Variants in PPARA observed in about 807,000 individuals in gnomAD.
PPARA encodes peroxisome proliferator activated receptor alpha.
PPARA carries 22 observed loss-of-function variants against 42.2 expected under a neutral mutation model. That is an observed-to-expected ratio of 0.52 (90% CI 0.37 to 0.74). PPARA has a LOEUF of 0.74. Among genes scored for constraint, PPARA ranks in the 30% least tolerant of loss-of-function variants. The probability of loss-of-function intolerance (pLI) is 0.00; values close to 1 mark genes in which losing one functional copy is unlikely to be tolerated. For missense variants in PPARA, 465 were observed against 608.2 expected, an observed-to-expected ratio of 0.76 and a Z score of 2.48; for synonymous variants, 242 against 239.3, an observed-to-expected ratio of 1.01 and a Z score of -0.10.
At chr22:46,228,413 G>A (rs1935622040) in intron 7 of PPARA, among the ~76,000 whole-genome samples, 1 of 152,180 alleles carries the variant, frequency 6.6e-6, no homozygotes, top group Admixed American at 6.5e-5. Flanking sequence ...GTGGGTGCCT[G>A]TAATCCCAGC....
Position 46,240,731 on chromosome 22 carries a change from A to T in PPARA, c.*5351A>T, listed in dbSNP as rs1936350006. 1 of 153,050 alleles carries T rather than the reference A, an allele frequency of 6.5e-6. No homozygotes were observed. The highest frequency in any genetic ancestry group is 2.1e-4 in the South Asian group (1 of 4,844). 9.5% of individuals were successfully genotyped at this position (153,050 alleles called of 1,614,324 possible). ...GCATTGGCATTGCCAAGCATGGGGA[A>T]GTATCTGCTCTTCTCATGTTAAAAG... On this transcript the variant is annotated 3_prime_UTR_variant, in exon 9 of 9. Coordinates refer to ENST00000407236, the MANE Select transcript of PPARA (RefSeq NM_005036.6). The surrounding 1 kb of genome is among the most constrained non-coding windows in gnomAD (Gnocchi z 6.0).
intron 4 of PPARA, among the ~76,000 whole-genome samples, chr22:46,208,703 C>T (rs930013468): frequency 6.6e-6 from 1 of 152,052 alleles, no homozygotes; most frequent in Non-Finnish European, 1.5e-5. Flanking sequence ...TCCCCATTCC[C>T]TCCCTCAACC....
At chr22:46,152,878 A>G (rs948431485) in intron 2 of PPARA, among the ~76,000 whole-genome samples, 1 of 152,188 alleles carries the variant, frequency 6.6e-6, no homozygotes, top group Non-Finnish European at 1.5e-5. Flanking sequence ...TGAGGCCAGG[A>G]GTTCGAGACC....
rs547897274 is a variant in PPARA at position 46,239,333 on chromosome 22, C to T, written c.*3953C>T. On this transcript the variant is annotated 3_prime_UTR_variant, in exon 9 of 9. Coordinates refer to ENST00000407236, the MANE Select transcript of PPARA (RefSeq NM_005036.6). ...TGAGAAGTCAACAACTTAGCCACCA[C>T]TTCCCCGCAATGGACCATGTAACAA... 9 of 152,020 alleles carry T rather than the reference C, an allele frequency of 5.9e-5. No individual in the cohort carries two copies. The highest frequency in any genetic ancestry group is 1.2e-4 in the Non-Finnish European group (8 of 68,078). The allele number at this position is 152,020 out of a possible 1,614,324, so 9.4% of individuals were successfully genotyped here.
At chr22:46,194,498 C>T (rs143342204) in intron 3 of PPARA, among the ~76,000 whole-genome samples, 1 of 151,550 alleles carries the variant, frequency 6.6e-6, no homozygotes, top group African/African-American at 2.4e-5. Context: ...GCTGAGAACA[C>T]GATGGGCGAA....
intron 3 of PPARA, among the ~76,000 whole-genome samples, chr22:46,185,631 A>G (rs1486637971): frequency 6.6e-6 from 1 of 151,810 alleles, no homozygotes. Flanking sequence ...GCGGTGGCTC[A>G]CATCTGTAAT....
In PPARA at chr22:46,225,593, CCA is replaced by C. The variant is rs531397582; in HGVS notation, c.711+5582_711+5583del. ...CACATGCATGCTCACACACATGCAC[CCA>C]CAGTCACACATCCATGCATGCATGT... On this transcript the variant is annotated intron_variant, in intron 7 of 8. Transcript: ENST00000407236. This position sits in a 1 kb window ranked among gnomAD's most constrained non-coding sequence, Gnocchi z 4.1. Among the ~76,000 whole-genome samples, 122 of 150,438 alleles carry C rather than the reference CCA, an allele frequency of 8.1e-4. 1 individual carries two copies. Among genetic ancestry groups the C allele is most frequent in the African/African-American group, 2.8e-3 (116 of 40,860 alleles).
At chr22:46,175,504 G>T (rs2147226355) in intron 2 of PPARA, among the ~76,000 whole-genome samples, 1 of 152,066 alleles carries the variant, frequency 6.6e-6, no homozygotes, top group African/African-American at 2.4e-5. Flanking sequence ...ACGAGGTCAG[G>T]AGATCGAGAC....
At chr22:46,207,674 ATTATTTTTTTTTTTT>A (rs1484543430) in intron 4 of PPARA, among the ~76,000 whole-genome samples, 9 of 61,698 alleles carry the variant, frequency 1.5e-4, no homozygotes, top group African/African-American at 5.4e-4. Flanking sequence ...TATTATTATT[ATTATTTTTTTTTTTT>A]TTTTTTTTTT....
chr22:46,176,752 G>GT lies in PPARA; in HGVS notation c.-125dup, dbSNP rs1929119396. ...AAACAACAGAAATTTTTCTCTCACA[G>GT]TTCTGGAGGCTGGGAAGTTCAAGAT... On this transcript the variant is annotated splice_region_variant and 5_prime_UTR_variant. Transcript: ENST00000407236. 6.6e-6 allele frequency: 1 copy of GT among 152,348 alleles called. No homozygotes were observed. The highest frequency in any genetic ancestry group is 2.4e-5 in the African/African-American group (1 of 41,462). 9.4% of individuals were successfully genotyped at this position (152,348 alleles called of 1,614,324 possible).
Position 46,184,827 on chromosome 22 carries a change from C to T in PPARA, c.-43+7991C>T, listed in dbSNP as rs373965150. ...CTGAGATTGTGTCACTGCACTCCAG[C>T]CTACGCGACAGAGCAAGACTCCGTC... On this transcript the variant is annotated intron_variant, in intron 3 of 8. Transcript: ENST00000407236. The surrounding 1 kb of genome is among the most constrained non-coding windows in gnomAD (Gnocchi z 4.4). Among the ~76,000 whole-genome samples the T allele has an allele frequency of 6.6e-6, 1 of 152,200 alleles. No individual in the cohort carries two copies. Among genetic ancestry groups the T allele is most frequent in the Non-Finnish European group, 1.5e-5 (1 of 68,040 alleles).
In PPARA at chr22:46,207,674, ATTAT is replaced by A. The variant is rs1468943964; in HGVS notation, c.209-7496_209-7493del. Among the ~76,000 whole-genome samples, 365 of 61,704 alleles carry A rather than the reference ATTAT, an allele frequency of 5.9e-3. 3 individuals are homozygous for A. The highest frequency in any genetic ancestry group is 0.021 in the African/African-American group (320 of 14,922). 40.5% of individuals were successfully genotyped at this position (61,704 alleles called of 152,430 possible). ...TATTATTATTATTATTATTATTATTATTATTTTTTTTTTTTTTTTTTTTTTTAGA... is the reference window on the plus strand; with the variant it reads ...TATTATTATTATTATTATTATTATTATTTTTTTTTTTTTTTTTTTTTTAGA... On this transcript the variant is annotated intron_variant, in intron 4 of 8. Transcript: ENST00000407236.
At chr22:46,176,673 T>A (rs1282485397) in intron 2 of PPARA, 80 bp from the exon 3 acceptor site, 2 of 152,162 alleles carry the variant, frequency 1.3e-5, no homozygotes, top group South Asian at 2.1e-4. Context: ...TGTTGAATGG[T>A]GTCTTAGTCC....
chr22:46,223,371 G>A (rs893881954), intron 7 of PPARA, among the ~76,000 whole-genome samples: 1 of 152,010 alleles, frequency 6.6e-6, no homozygotes, highest in African/African-American at 2.4e-5. Flanking sequence ...GGCCAGGCGC[G>A]GTGGCTCATG....
At chr22:46,197,730 C>T (rs759289996) in intron 3 of PPARA, among the ~76,000 whole-genome samples, 1 of 151,586 alleles carries the variant, frequency 6.6e-6, no homozygotes, top group African/African-American at 2.4e-5. Context: ...GGTAAAAACC[C>T]GTCTCTACTA....
intron 4 of PPARA, among the ~76,000 whole-genome samples, chr22:46,214,521 A>T (rs1934262538): frequency 1.1e-5 from 1 of 94,146 alleles, no homozygotes; most frequent in Non-Finnish European, 2.0e-5. Context: ...CAGAGCGGAG[A>T]TGTGTGGATC....
intron 4 of PPARA, among the ~76,000 whole-genome samples, chr22:46,198,924 G>T (rs886250663): frequency 2.6e-5 from 4 of 152,140 alleles, no homozygotes; most frequent in Middle Eastern, 3.2e-3. Flanking sequence ...CTCCTAAAGT[G>T]CTGGGATTAT....
rs1391095332 is a variant in PPARA at position 46,232,204 on chromosome 22, T to C, written c.1124T>C (p.Ile375Thr). The change falls in exon 8 of 9, where the codon ATC (isoleucine) becomes ACC (threonine). Residue 375 changes from isoleucine (I) to threonine (T), a missense_variant. By Grantham distance (89) the Ile-to-Thr change is moderately conservative. Coordinates refer to ENST00000407236, the MANE Select transcript of PPARA (RefSeq NM_005036.6). The surrounding 1 kb of genome is among the most constrained non-coding windows in gnomAD (Gnocchi z 5.3). ...GCACTGGAACTGGATGACAGTGATA[T>C]CTCCCTTTTTGTGGCTGCTATCATT... Reference protein sequence around the residue: ...FNALELDDSDISLFVAAIICC... With the variant: ...FNALELDDSDTSLFVAAIICC... 6.2e-7 allele frequency: 1 copy of C among 1,614,184 alleles called. No individual in the cohort carries two copies.
rs372428097 is a variant in PPARA at position 46,198,380 on chromosome 22, C to T, written c.-4C>T. ...GGCGGCACAACCAGCACCATCTGGT[C>T]GCGATGGTGGACACGGAAAGCCCAC... is the stretch of plus-strand genomic sequence containing the variant. On this transcript the variant is annotated 5_prime_UTR_variant, in exon 4 of 9. Coordinates refer to ENST00000407236, the MANE Select transcript of PPARA (RefSeq NM_005036.6). The T allele has an allele frequency of 9.3e-6, 15 of 1,613,512 alleles. No individual in the cohort carries two copies. The African/African-American group carries it at 1.2e-4, about 13-fold the overall frequency.
Sources: gnomAD v4.1 joint callset for allele counts (sites outside exome capture counted in the v4.1 genomes callset) on GRCh38, gnomAD v4.1.1 for gene constraint, Gnocchi (gnomAD v3.1) non-coding constraint, MANE v1.5 for transcripts, NCBI Gene and HGNC (gene_info 2026-07-23, HGNC 2026-07-21) for gene names.